The following ABCA12 variants were observed in gnomAD, a reference collection of about 807,000 sequenced individuals.
ABCA12 encodes glucosylceramide transporter ABCA12.
In ABCA12, 156 loss-of-function variants were observed where a neutral mutation model predicts 293.5. That is an observed-to-expected ratio of 0.53 (90% CI 0.47 to 0.61). The LOEUF (loss-of-function observed/expected upper bound fraction) is 0.61. Ranked by LOEUF, ABCA12 falls within the 20% of genes least tolerant of loss-of-function variation. The probability of loss-of-function intolerance (pLI) is 0.00; values close to 1 mark genes in which losing one functional copy is unlikely to be tolerated. For synonymous variants in ABCA12, 1,063 were observed against 1,108.0 expected, an observed-to-expected ratio of 0.96 and a Z score of 0.81; for missense variants, 2,797 against 3,090.2, an observed-to-expected ratio of 0.91 and a Z score of 2.25.
chr2:215,030,401 C>G (rs189941107), intron 9 of ABCA12, among the ~76,000 whole-genome samples: 1 of 150,300 alleles, frequency 6.7e-6, no homozygotes, highest in African/African-American at 2.5e-5. Flanking sequence ...GAGACCATCC[C>G]GGCTAACATG....
At chr2:214,955,528 T>G (rs1280319906) in intron 42 of ABCA12, among the ~76,000 whole-genome samples, 167 bp from the exon 43 acceptor site, 1 of 152,100 alleles carries the variant, frequency 6.6e-6, no homozygotes, top group African/African-American at 2.4e-5. Context: ...CAGAAAAATA[T>G]GAAAATCAGC....
At chr2:214,958,960 G>A in intron 40 of ABCA12, 64 bp downstream of exon 40, 1 of 1,447,874 alleles carries the variant, frequency 6.9e-7, no homozygotes, top group Non-Finnish European at 9.7e-7. Context: ...TCCAATTACA[G>A]CACTTTATAC....
Position 215,099,415 on chromosome 2 carries a change from C to A in ABCA12, c.163+12182G>T, listed in dbSNP as rs1702308225. Among the ~76,000 whole-genome samples, 3 of 152,250 alleles carry A rather than the reference C, an allele frequency of 2.0e-5. No individual in the cohort carries two copies. In the South Asian group the frequency reaches 6.2e-4, roughly 31 times the overall value. Reference sequence around the variant, plus strand: ...GTCACTCTTTAATTTCCGACCCCAGCTGGGCGCGGTGGCTCACGCCTGTAA... The same window carrying A: ...GTCACTCTTTAATTTCCGACCCCAGATGGGCGCGGTGGCTCACGCCTGTAA... On this transcript the variant is annotated intron_variant, in intron 2 of 52. Coordinates refer to ENST00000272895, the MANE Select transcript of ABCA12 (RefSeq NM_173076.3).
At position 215,001,016 on chromosome 2, in the gene ABCA12, A is replaced by C. The variant is rs141615275; in HGVS notation, c.2868T>G (p.Val956=). 2,515 of 1,613,848 alleles carry C rather than the reference A, an allele frequency of 1.6e-3. 7 individuals are homozygous for C. The highest frequency in any genetic ancestry group is 1.8e-3 in the Non-Finnish European group (2,096 of 1,179,908). ...TTCTGTTAGAAGGAAGCTTAAAAAT[A>C]ACACCTAAAAATAAAATGGCAACAA... ...LYKSNELFGS[V]IFKLPSNRSW... is the part of the protein sequence containing the mutation. Residue 956 remains valine (V), a synonymous_variant, in exon 22 of 53, where the codon GTT becomes GTG. Coordinates refer to ENST00000272895, the MANE Select transcript of ABCA12 (RefSeq NM_173076.3).
At position 214,932,120 on chromosome 2, in the gene ABCA12, A is replaced by G. The variant is rs564726033; in HGVS notation, c.*514T>C. ...CACATACATTGTAAACATTGTGCCCACTGCTCTGCAAACGTTCATTTGGCC... is the reference window on the plus strand; with the variant it reads ...CACATACATTGTAAACATTGTGCCCGCTGCTCTGCAAACGTTCATTTGGCC... On this transcript the variant is annotated 3_prime_UTR_variant, in exon 53 of 53. Coordinates refer to ENST00000272895, the MANE Select transcript of ABCA12 (RefSeq NM_173076.3). 5.5e-6 allele frequency: 1 copy of G among 180,292 alleles called. No homozygotes were observed. Among genetic ancestry groups the G allele is most frequent in the East Asian group, 1.5e-4 (1 of 6,540 alleles). The allele number at this position is 180,292 out of a possible 1,614,324, so 11.2% of individuals were successfully genotyped here.
intron 9 of ABCA12, among the ~76,000 whole-genome samples, chr2:215,029,829 C>A (rs1700834630): frequency 6.6e-6 from 1 of 152,138 alleles, no homozygotes; most frequent in South Asian, 2.1e-4. Context: ...TCTGGATGTG[C>A]ACATTCATGT....
intron 22 of ABCA12, chr2:214,999,887 AAGAAG>A: frequency 1.1e-6 from 1 of 933,866 alleles, no homozygotes; most frequent in African/African-American, 1.8e-5. Context: ...AGAAAGAAAA[AAGAAG>A]AGAAAAGAAA....
At chr2:215,099,785 T>C (rs1702318138) in intron 2 of ABCA12, among the ~76,000 whole-genome samples, 1 of 152,248 alleles carries the variant, frequency 6.6e-6, no homozygotes, top group African/African-American at 2.4e-5. Flanking sequence ...CAATTTGTTA[T>C]AGAGCAACAG....
chr2:215,037,746 C>T (rs746908096), intron 7 of ABCA12, among the ~76,000 whole-genome samples: 10 of 152,232 alleles, frequency 6.6e-5, no homozygotes, highest in African/African-American at 1.4e-4. Context: ...ATTTGGAAAA[C>T]GCAATTAGTT....
At chr2:215,126,293 G>A (rs193257048) in intron 1 of ABCA12, among the ~76,000 whole-genome samples, 20 of 152,196 alleles carry the variant, frequency 1.3e-4, no homozygotes, top group Admixed American at 1.2e-3. Flanking sequence ...TTGGTATTAA[G>A]ATGATGCTGA....
At chr2:214,986,474 TA>T (rs1297872377) in intron 28 of ABCA12, 67 bp downstream of exon 28, 3 of 1,452,066 alleles carry the variant, frequency 2.1e-6, no homozygotes, top group African/African-American at 2.8e-5. Flanking sequence ...TAGGTTAGTT[TA>T]TTTTTTTTAC....
At chr2:214,972,749 T>C (rs1248788718) in intron 36 of ABCA12, among the ~76,000 whole-genome samples, 2 of 152,156 alleles carry the variant, frequency 1.3e-5, no homozygotes, top group Non-Finnish European at 1.5e-5. Context: ...ATTTTAAATA[T>C]TAAGTTAGGT....
chr2:214,968,528 C>T (rs1007209540), intron 38 of ABCA12, among the ~76,000 whole-genome samples, 192 bp downstream of exon 38: 2 of 151,948 alleles, frequency 1.3e-5, no homozygotes, highest in Admixed American at 6.6e-5. Flanking sequence ...CACATTTGTA[C>T]GTGTGTCCTG....
intron 2 of ABCA12, among the ~76,000 whole-genome samples, chr2:215,099,881 T>A (rs530773812): frequency 6.6e-6 from 1 of 152,246 alleles, no homozygotes; most frequent in Non-Finnish European, 1.5e-5. Context: ...TTAGTTTACC[T>A]CCCATGCTGT....
intron 19 of ABCA12, among the ~76,000 whole-genome samples, chr2:215,005,611 G>C (rs567852271): frequency 2.6e-5 from 4 of 152,284 alleles, no homozygotes; most frequent in Admixed American, 1.3e-4. Flanking sequence ...TGGAAAATCT[G>C]TATCAGAGCA....
chr2:215,023,725 T>A (rs1266614193), intron 11 of ABCA12: 1 of 152,182 alleles, frequency 6.6e-6, no homozygotes, highest in East Asian at 1.9e-4. Context: ...GCTTTAGGGG[T>A]GATGAAAGCA....
chr2:215,085,037 T>G (rs1702011991), intron 2 of ABCA12, among the ~76,000 whole-genome samples: 1 of 140,782 alleles, frequency 7.1e-6, no homozygotes, highest in South Asian at 2.2e-4. Context: ...GAGGTTGCAG[T>G]GAGCTGAGAT....
At chr2:214,975,172 C>CA (rs1699484445) in intron 34 of ABCA12, among the ~76,000 whole-genome samples, 1 of 152,186 alleles carries the variant, frequency 6.6e-6, no homozygotes, top group Non-Finnish European at 1.5e-5. Flanking sequence ...GCCACGTTGG[C>CA]AGGATGGTCT....
At chr2:215,132,167 T>C (rs1245070979) in intron 1 of ABCA12, among the ~76,000 whole-genome samples, 2 of 152,088 alleles carry the variant, frequency 1.3e-5, no homozygotes, top group Non-Finnish European at 2.9e-5. Context: ...ATACAGTTAA[T>C]TTTGGAGACT....
Sources: gnomAD v4.1 joint callset for allele counts (sites outside exome capture counted in the v4.1 genomes callset) on GRCh38, gnomAD v4.1.1 for gene constraint, MANE v1.5 for transcripts, NCBI Gene and HGNC (gene_info 2026-07-23, HGNC 2026-07-21) for gene names.